METTL2B: variants seen among roughly 807,000 people sequenced by gnomAD.
METTL2B encodes methyltransferase 2B, tRNA N3-cytidine.
In METTL2B, 28 loss-of-function variants were observed where a neutral mutation model predicts 51.0. The observed-to-expected ratio is 0.55, with a 90% CI of 0.41 to 0.75. METTL2B has a LOEUF of 0.75. Among genes scored for constraint, METTL2B ranks in the 30% least tolerant of loss-of-function variants. The pLI is 0.00. For missense variants in METTL2B, 313 were observed against 460.7 expected (o/e 0.68, Z 2.93); for synonymous variants, 128 against 166.3 (o/e 0.77, Z 1.77).
In METTL2B at chr7:128,479,164, A is replaced by T. The variant is rs772380517; in HGVS notation, c.209A>T (p.Tyr70Phe). The T allele has an allele frequency of 2.0e-5, 32 of 1,608,020 alleles. No individual in the cohort carries two copies. Among genetic ancestry groups the T allele is most frequent in the Non-Finnish European group, 2.7e-5 (32 of 1,175,810 alleles). ...TTTTCTTAAATATTTACAGTTGATT[A>T]TGAGATCAATGCCCACAAATACTGG... ...QRVCQEKQVD[Y>F]EINAHKYWND... Residue 70 changes from tyrosine to phenylalanine, a missense_variant, in exon 3 of 9, where the codon TAT becomes TTT. By Grantham distance (22) the Tyr-to-Phe change is conservative (BLOSUM62 3). Transcript: ENST00000262432.
rs1396350606 is a variant in METTL2B, at chr7:128,505,410, G to T, written c.*3494G>T. 6.6e-6 allele frequency: 1 copy of T among 152,198 alleles called. No homozygotes were observed. The highest frequency in any genetic ancestry group is 1.5e-5 in the Non-Finnish European group (1 of 68,048). 9.4% of individuals were successfully genotyped at this position (152,198 alleles called of 1,614,324 possible). On this transcript the variant is annotated 3_prime_UTR_variant, in exon 9 of 9. Transcript: ENST00000262432. ...AGAGGCTATTGTGTAAACTCGAATT[G>T]GGTTTGTTGGTGTTTCTTCATGATT...
intron 5 of METTL2B, chr7:128,488,428 G>A: frequency 1.6e-6 from 1 of 614,376 alleles, no homozygotes; most frequent in Non-Finnish European, 3.1e-6. Flanking sequence ...ACCACCATAT[G>A]CTCACTTAGT....
At chr7:128,487,620 C>T (rs1584792363) in intron 4 of METTL2B, among the ~76,000 whole-genome samples, 1 of 152,154 alleles carries the variant, frequency 6.6e-6, no homozygotes, top group Admixed American at 6.6e-5. Flanking sequence ...TAAGATAATA[C>T]ACAATGCATA....
chr7:128,482,202 G>A (rs1165388190), intron 4 of METTL2B, among the ~76,000 whole-genome samples: 2 of 152,040 alleles, frequency 1.3e-5, no homozygotes, highest in African/African-American at 4.8e-5. Context: ...CTCCCAGGTT[G>A]GAGTACAGTG....
At chr7:128,501,713 C>G (rs1399306064) in intron 8 of METTL2B, 49 bp from the exon 9 acceptor site, 3 of 1,604,424 alleles carry the variant, frequency 1.9e-6, no homozygotes, top group Admixed American at 1.7e-5. Context: ...GATAAAAATG[C>G]CTTTTCTTGA....
chr7:128,476,775 T>G lies in METTL2B; in HGVS notation c.10T>G (p.Ser4Ala). MAG[S>A]YPEGAPAILA... ...TTCCGGCTCCGGTGTCATGGCCGGC[T>G]CCTACCCTGAAGGTGCACCTGCAAT... The change falls in exon 1 of 9, where the codon TCC becomes GCC. Residue 4 changes from serine (S) to alanine (A), a missense_variant. By Grantham distance (99) the Ser-to-Ala change is moderately conservative (BLOSUM62 1). Around this residue, in one of 4 missense-constraint regions of METTL2B, gnomAD observed 66 missense variants for 58.2 expected, o/e 1.13. Transcript: ENST00000262432. 1 of 1,614,040 alleles carries G rather than the reference T, an allele frequency of 6.2e-7. No homozygotes were observed. The highest frequency in any genetic ancestry group is 8.5e-7 in the Non-Finnish European group (1 of 1,179,986).
At chr7:128,480,318 A>G (rs933732606) in intron 3 of METTL2B, among the ~76,000 whole-genome samples, 6 of 152,196 alleles carry the variant, frequency 3.9e-5, no homozygotes, top group Admixed American at 3.9e-4. Context: ...GTCTATTACA[A>G]ATATTTTCAC....
chr7:128,484,310 A>G (rs1024534184), intron 4 of METTL2B, among the ~76,000 whole-genome samples: 1 of 128,304 alleles, frequency 7.8e-6, no homozygotes, highest in Non-Finnish European at 1.6e-5. Context: ...TGTAGCTTCA[A>G]CCTTCCAGGG....
Position 128,477,123 on chromosome 7 carries a change from A to G in METTL2B, c.152A>G (p.Glu51Gly). 6.2e-7 allele frequency: 1 copy of G among 1,614,070 alleles called. No individual in the cohort carries two copies. The highest frequency in any genetic ancestry group is 8.5e-7 in the Non-Finnish European group (1 of 1,179,964). Reference sequence around the variant, plus strand: ...TCGGAAGAGCAAGCCGCGGCGGCGGAGAGAAAAGTCCAGGAGAACAGTATC... The same window carrying G: ...TCGGAAGAGCAAGCCGCGGCGGCGGGGAGAAAAGTCCAGGAGAACAGTATC... ...EWSEEQAAAA[E>G]RKVQENSIQR... is the part of the protein sequence containing the mutation. The change falls in exon 2 of 9, where the codon GAG becomes GGG. Residue 51 changes from glutamate to glycine, a missense_variant. Around this residue, in one of 4 missense-constraint regions of METTL2B, gnomAD observed 67 missense variants for 101.4 expected, o/e 0.66. Coordinates refer to ENST00000262432, the MANE Select transcript of METTL2B (RefSeq NM_018396.3).
chr7:128,502,750 T>C lies in METTL2B; in HGVS notation c.*834T>C. 2.9e-6 allele frequency: 1 copy of C among 346,408 alleles called. No homozygotes were observed. The highest frequency in any genetic ancestry group is 5.6e-6 in the Non-Finnish European group (1 of 179,384). 21.5% of individuals were successfully genotyped at this position (346,408 alleles called of 1,614,324 possible). The stretch of plus-strand genomic sequence containing the variant: ...CCCGTCTCTACTAAAGATAAAAAAA[T>C]TAGCTGGGTGTGTTGGTGGGTGCCT... On this transcript the variant is annotated 3_prime_UTR_variant, in exon 9 of 9. Coordinates refer to ENST00000262432, the MANE Select transcript of METTL2B (RefSeq NM_018396.3).
chr7:128,485,843 A>G (rs1443156578), intron 4 of METTL2B, among the ~76,000 whole-genome samples: 8 of 152,128 alleles, frequency 5.3e-5, no homozygotes, highest in African/African-American at 1.7e-4. Flanking sequence ...TTTTAAAACT[A>G]TAACTGTTTA....
Position 128,480,646 on chromosome 7 carries a change from G to C in METTL2B, c.559-1G>C. The C allele has an allele frequency of 1.2e-6, 2 of 1,602,518 alleles. No homozygotes were observed. Among genetic ancestry groups the C allele is most frequent in the Non-Finnish European group, 8.5e-7 (1 of 1,177,158 alleles). On this transcript the variant is annotated splice_acceptor_variant, in intron 3 of 8. Coordinates refer to ENST00000262432, the MANE Select transcript of METTL2B (RefSeq NM_018396.3). LOFTEE classifies it high-confidence loss of function. ...GATTAATAGTTCATTTCTGTCTGCAGGTTGGCTGTGGTGTGGGAAACACAG... is the reference window on the plus strand; with the variant it reads ...GATTAATAGTTCATTTCTGTCTGCACGTTGGCTGTGGTGTGGGAAACACAG...
At position 128,505,631 on chromosome 7, in the gene METTL2B, G is replaced by T. The variant is rs1793110713; in HGVS notation, c.*3715G>T. 1 of 152,158 alleles carries T rather than the reference G, an allele frequency of 6.6e-6. No homozygotes were observed. The highest frequency in any genetic ancestry group is 2.4e-5 in the African/African-American group (1 of 41,418). The allele number at this position is 152,158 out of a possible 1,614,324, so 9.4% of individuals were successfully genotyped here. Reference sequence around the variant, plus strand: ...GAAGTGCTTTGAGACTAAATATCCTGTTCCTCATCAAACTTCTACCCCCTA... The same window carrying T: ...GAAGTGCTTTGAGACTAAATATCCTTTTCCTCATCAAACTTCTACCCCCTA... On this transcript the variant is annotated 3_prime_UTR_variant, in exon 9 of 9. Coordinates refer to ENST00000262432, the MANE Select transcript of METTL2B (RefSeq NM_018396.3).
chr7:128,491,814 C>T (rs549568117), intron 5 of METTL2B, among the ~76,000 whole-genome samples: 1 of 149,636 alleles, frequency 6.7e-6, no homozygotes, highest in Admixed American at 6.7e-5. Context: ...GCTGTTAGGG[C>T]AGATTAGGAA....
rs1793119978 is a variant in METTL2B, at chr7:128,506,290, C to T, written c.*4374C>T. 1 of 152,204 alleles carries T rather than the reference C, an allele frequency of 6.6e-6. No homozygotes were observed. 9.4% of individuals were successfully genotyped at this position (152,204 alleles called of 1,614,324 possible). A position where few individuals can be genotyped will look rare whatever the true frequency, so the allele number is the denominator to read the frequency against. The stretch of plus-strand genomic sequence containing the variant: ...ATTAATTTAAATGATTCTCTAAAGA[C>T]TGTCCTTCAGCATCCCTAAAGCATT... On this transcript the variant is annotated 3_prime_UTR_variant, in exon 9 of 9. Coordinates refer to ENST00000262432, the MANE Select transcript of METTL2B (RefSeq NM_018396.3).
chr7:128,502,842 G>A lies in METTL2B; in HGVS notation c.*926G>A, dbSNP rs988901317. On this transcript the variant is annotated 3_prime_UTR_variant, in exon 9 of 9. Transcript: ENST00000262432. ...GAACCCAGGAGGCAGAGGTTGCAGT[G>A]AGCTGAGATTGCGCCACTGTACTCC... The A allele has an allele frequency of 1.0e-5, 3 of 294,784 alleles. No homozygotes were observed. The highest frequency in any genetic ancestry group is 2.3e-5 in the African/African-American group (1 of 42,884). 18.3% of individuals were successfully genotyped at this position (294,784 alleles called of 1,614,324 possible).
At chr7:128,496,615 C>T (rs1027987744) in intron 6 of METTL2B, among the ~76,000 whole-genome samples, 3 of 152,080 alleles carry the variant, frequency 2.0e-5, no homozygotes, top group African/African-American at 7.2e-5. Context: ...TGGACTAAAA[C>T]AAATTATTAA....
At chr7:128,476,901 C>T in intron 1 of METTL2B, 26 bp downstream of exon 1, 2 of 1,612,958 alleles carry the variant, frequency 1.2e-6, no homozygotes, top group East Asian at 2.2e-5. Context: ...CCTCGCCCGG[C>T]CTGTCGCTGG....
intron 4 of METTL2B, chr7:128,483,770 G>C (rs1792620811): frequency 2.0e-5 from 3 of 152,506 alleles, no homozygotes; most frequent in Admixed American, 6.5e-5. Context: ...TGTTGCCCAG[G>C]CTGGAGTGCA....
Sources: gnomAD v4.1 joint callset for allele counts (sites outside exome capture counted in the v4.1 genomes callset) on GRCh38, gnomAD v4.1.1 for gene constraint, gnomAD v4.1.1 regional missense constraint, MANE v1.5 for transcripts, NCBI Gene and HGNC (gene_info 2026-07-23, HGNC 2026-07-21) for gene names.